STIP1: variants seen among roughly 807,000 people sequenced by gnomAD.
STIP1 encodes stress-induced-phosphoprotein 1.
A neutral mutation model predicts 77.4 loss-of-function variants in STIP1; 16 were observed. The ratio of observed to expected loss-of-function variants is 0.21; its 90% confidence interval spans 0.14 to 0.31. The LOEUF (loss-of-function observed/expected upper bound fraction) is 0.31. Ranked by LOEUF, STIP1 falls within the 10% of genes least tolerant of loss-of-function variation. The pLI is 1.00. For synonymous variants in STIP1, 258 were observed against 246.6 expected, an observed-to-expected ratio of 1.05 and a Z score of -0.44; for missense variants, 524 against 684.8, an observed-to-expected ratio of 0.77 and a Z score of 2.62.
At chr11:64,197,995 G>T in intron 8 of STIP1, 21 bp downstream of exon 8, 1 of 1,590,336 alleles carries the variant, frequency 6.3e-7, no homozygotes, top group Admixed American at 1.9e-5. Flanking sequence ...AAAGAATAGG[G>T]GTATTTTCTT....
rs12789379 is a variant in STIP1, at chr11:64,195,658, C to G, written c.517C>G (p.Pro173Ala). 26 of 1,608,514 alleles carry G rather than the reference C, an allele frequency of 1.6e-5. No individual in the cohort carries two copies. Among genetic ancestry groups the G allele is most frequent in the Non-Finnish European group, 2.1e-5 (25 of 1,178,186 alleles). Reference protein sequence around the residue: ...PSDLGTKLQDPRIMTTLSVLL... With the variant: ...PSDLGTKLQDARIMTTLSVLL... The stretch of plus-strand genomic sequence containing the variant: ...AATCAATACTAGGAAACTACAAGAT[C>G]CCCGGATCATGACCACTCTCAGCGT... The change falls in exon 5 of 14, where the codon CCC becomes GCC. Residue 173 changes from proline to alanine, a missense_variant. Coordinates refer to ENST00000305218, the MANE Select transcript of STIP1 (RefSeq NM_006819.3).
At chr11:64,193,520 A>G in intron 2 of STIP1, 1 of 514,566 alleles carries the variant, frequency 1.9e-6, no homozygotes, top group South Asian at 2.1e-5. Flanking sequence ...GCGGTGACGC[A>G]CGCCTGTGAT....
intron 1 of STIP1, among the ~76,000 whole-genome samples, chr11:64,187,068 A>C (rs1371186144): frequency 6.6e-6 from 1 of 151,972 alleles, no homozygotes; most frequent in African/African-American, 2.4e-5. Flanking sequence ...GTTTCTGACG[A>C]CCCGGGGGTG....
At chr11:64,196,113 A>G (rs867693938) in intron 5 of STIP1, among the ~76,000 whole-genome samples, 11 of 152,094 alleles carry the variant, frequency 7.2e-5, no homozygotes, top group African/African-American at 2.7e-4. Flanking sequence ...AATCAGCTTC[A>G]GGCCAGGCAC....
intron 10 of STIP1, chr11:64,202,400 ATTTTTTTTTTT>A (rs1174421253): frequency 2.9e-5 from 3 of 101,886 alleles, no homozygotes; most frequent in African/African-American, 1.4e-4. Context: ...AGGCCAGCAA[ATTTTTTTTTTT>A]TTTTTTTTTT....
Position 64,203,204 on chromosome 11 carries a change from G to A in STIP1, c.1362G>A (p.Ala454=), listed in dbSNP as rs569841313. 1.7e-5 allele frequency: 28 copies of A among 1,614,072 alleles called. No homozygotes were observed. The highest frequency in any genetic ancestry group is 1.4e-4 in the South Asian group (13 of 91,090). Residue 454 remains alanine, a synonymous_variant, in exon 12 of 14, where the codon GCG becomes GCA. Coordinates refer to ENST00000305218, the MANE Select transcript of STIP1 (RefSeq NM_006819.3). Reference sequence around the variant, plus strand: ...AAGCCATGGATGTGTACCAGAAGGCGCTAGACCTGGACTCCAGCTGTAAGG... The same window carrying A: ...AAGCCATGGATGTGTACCAGAAGGCACTAGACCTGGACTCCAGCTGTAAGG... ...YTKAMDVYQK[A]LDLDSSCKEA... is the part of the protein sequence containing the mutation.
intron 2 of STIP1, chr11:64,193,494 G>GTT: frequency 1.7e-6 from 1 of 582,808 alleles, no homozygotes. Context: ...TAAGAAGGAA[G>GTT]AGGCCAGGGC....
At chr11:64,202,439 G>A (rs556302632) in intron 10 of STIP1, 1 of 148,890 alleles carries the variant, frequency 6.7e-6, no homozygotes, top group African/African-American at 2.5e-5. Flanking sequence ...GTAGAGATGG[G>A]GTTTCACCAT....
At chr11:64,196,028 C>G (rs996554390) in intron 5 of STIP1, among the ~76,000 whole-genome samples, 1 of 152,098 alleles carries the variant, frequency 6.6e-6, no homozygotes, top group South Asian at 2.1e-4. Flanking sequence ...CTGTGCCCAC[C>G]TAAAACTATT....
In STIP1 at chr11:64,194,221, C is replaced by T; in HGVS notation, c.252C>T (p.Phe84=). The change falls in exon 3 of 14, where the codon TTC becomes TTT. Residue 84 remains phenylalanine (F), a synonymous_variant. Coordinates refer to ENST00000305218, the MANE Select transcript of STIP1 (RefSeq NM_006819.3). ...CACGAAAAGCAGCAGCTCTAGAGTT[C>T]TTAAACCGCTTTGAAGAAGCCAAGC... ...GYSRKAAALE[F]LNRFEEAKRT... 1 of 1,614,148 alleles carries T rather than the reference C, an allele frequency of 6.2e-7. No homozygotes were observed. Among genetic ancestry groups the T allele is most frequent in the South Asian group, 1.1e-5 (1 of 91,070 alleles).
chr11:64,197,631 G>A (rs772257291), intron 7 of STIP1, 36 bp downstream of exon 7: 10 of 1,611,030 alleles, frequency 6.2e-6, no homozygotes, highest in Non-Finnish European at 8.5e-6. Context: ...TGAGTAGCGC[G>A]GAGGGTTTGC....
intron 1 of STIP1, among the ~76,000 whole-genome samples, chr11:64,188,782 A>G (rs765982955): frequency 6.6e-6 from 1 of 152,246 alleles, no homozygotes; most frequent in African/African-American, 2.4e-5. Context: ...GCAAACTGGC[A>G]TGGCAGCTGT....
chr11:64,186,009 C>A (rs1237690967), upstream of STIP1: 1 of 1,543,182 alleles, frequency 6.5e-7, no homozygotes, highest in Non-Finnish European at 8.7e-7. Context: ...TCCTGAGGTG[C>A]GGGGGAGGCA....
In STIP1 at chr11:64,203,492, A is replaced by C. The variant is rs1465806306; in HGVS notation, c.1429A>C (p.Asn477His). 22 of 1,613,982 alleles carry C rather than the reference A, an allele frequency of 1.4e-5. No individual in the cohort carries two copies. Among genetic ancestry groups the C allele is most frequent in the Non-Finnish European group, 1.9e-5 (22 of 1,180,030 alleles). ...CCAGCGCTGTATGATGGCGCAGTAC[A>C]ACCGGCACGACAGCCCCGAAGATGT... is the stretch of plus-strand genomic sequence containing the variant. The part of the protein sequence containing the change: ...GYQRCMMAQY[N>H]RHDSPEDVKR... Residue 477 changes from asparagine (N) to histidine (H), a missense_variant, in exon 13 of 14, where the codon AAC (asparagine) becomes CAC (histidine). Transcript: ENST00000305218.
chr11:64,186,769 G>A (rs752821999), intron 1 of STIP1, among the ~76,000 whole-genome samples: 5 of 152,226 alleles, frequency 3.3e-5, no homozygotes, highest in Admixed American at 6.5e-5. Flanking sequence ...GATACACTGG[G>A]AGTAGCCGAG....
Position 64,204,251 on chromosome 11 carries a change from A to AC in STIP1, c.*129dup. ...CCTCATCTCTCTATATTTATACATA[A>AC]CCCCGGGGAAGACACAGAGACTCGT... is the stretch of plus-strand genomic sequence containing the variant. On this transcript the variant is annotated 3_prime_UTR_variant, in exon 14 of 14. Transcript: ENST00000305218. The AC allele has an allele frequency of 2.1e-6, 2 of 950,430 alleles. No homozygotes were observed. Among genetic ancestry groups the AC allele is most frequent in the Non-Finnish European group, 3.1e-6 (2 of 636,886 alleles). 58.9% of individuals were successfully genotyped at this position (950,430 alleles called of 1,614,324 possible). A position where few individuals can be genotyped will look rare whatever the true frequency, so the allele number is the denominator to read the frequency against.
At chr11:64,200,097 G>A in intron 9 of STIP1, 61 bp downstream of exon 9, 5 of 1,612,870 alleles carry the variant, frequency 3.1e-6, no homozygotes, top group Middle Eastern at 1.7e-4. Flanking sequence ...GTGCCTGGCT[G>A]TGGGGTAAAT....
At chr11:64,194,166 G>A (rs1946122223) in intron 2 of STIP1, 23 bp from the exon 3 acceptor site, 2 of 1,599,326 alleles carry the variant, frequency 1.3e-6, no homozygotes, top group South Asian at 1.1e-5. Context: ...TCTCTATTTT[G>A]TGTCTGTCTT....
intron 3 of STIP1, 30 bp from the exon 4 acceptor site, chr11:64,194,449 A>G (rs746346018): frequency 6.2e-7 from 1 of 1,613,656 alleles, no homozygotes; most frequent in African/African-American, 1.3e-5. Context: ...AACTCATTTC[A>G]TAGTGATGTG....
Sources: gnomAD v4.1 joint callset for allele counts (sites outside exome capture counted in the v4.1 genomes callset) on GRCh38, gnomAD v4.1.1 for gene constraint, MANE v1.5 for transcripts, NCBI Gene and HGNC (gene_info 2026-07-23, HGNC 2026-07-21) for gene names.